The following KIFC3 variants were observed in gnomAD, a reference collection of about 807,000 sequenced individuals.
The protein encoded by KIFC3 is kinesin family member C3, also known as kinesin-like protein KIFC3.
In KIFC3, 60 loss-of-function variants were observed where a neutral mutation model predicts 101.8. The observed-to-expected ratio is 0.59, with a 90% confidence interval of 0.48 to 0.73. The LOEUF (loss-of-function observed/expected upper bound fraction) is 0.73. KIFC3 is among the 30% of genes least tolerant of loss of function. KIFC3 has a pLI of 0.00. For synonymous variants in KIFC3, 476 were observed against 482.7 expected (o/e 0.99, Z 0.18); for missense variants, 966 against 1,137.1 (o/e 0.85, Z 2.16).
intron 1 of KIFC3, among the ~76,000 whole-genome samples, chr16:57,832,195 A>C (rs2055594782): frequency 6.6e-6 from 1 of 150,574 alleles, no homozygotes; most frequent in South Asian, 2.1e-4. Flanking sequence ...TAATTTTTGT[A>C]TTTTTGGTAG....
rs1597967426 is a variant in KIFC3 at position 57,771,586 on chromosome 16, CGCAGCTCTT to C, written c.473_481del (p.Gln158_Leu160del). ...TGGGCAGGGACCTGCTGGCTTTGTGCGCAGCTCTTGCAGCTCGGCCTCACAGCGCCGCAT... is the reference window on the plus strand; with the variant it reads ...TGGGCAGGGACCTGCTGGCTTTGTGCGCAGCTCGGCCTCACAGCGCCGCAT... On this transcript the variant is annotated inframe_deletion, in exon 5 of 20. Coordinates refer to ENST00000445690, the MANE Select transcript of KIFC3 (RefSeq NM_001130100.2). 2 of 1,613,486 alleles carry C rather than the reference CGCAGCTCTT, an allele frequency of 1.2e-6. No homozygotes were observed. The highest frequency in any genetic ancestry group is 1.1e-5 in the South Asian group (1 of 91,086).
At chr16:57,825,889 C>G (rs1031876537) in intron 1 of KIFC3, among the ~76,000 whole-genome samples, 2 of 152,216 alleles carry the variant, frequency 1.3e-5, no homozygotes, top group South Asian at 2.1e-4. Context: ...CCATGTTGCT[C>G]AGGCTGGTCT....
At chr16:57,781,130 C>T (rs1368420836) in intron 3 of KIFC3, among the ~76,000 whole-genome samples, 1 of 152,048 alleles carries the variant, frequency 6.6e-6, no homozygotes, top group Non-Finnish European at 1.5e-5. Context: ...CGTGCCTGGG[C>T]AATATAGCAA....
upstream of KIFC3, chr16:57,802,560 C>A: frequency 3.0e-6 from 3 of 991,366 alleles, no homozygotes; most frequent in South Asian, 1.4e-4. This position sits in a 1 kb window ranked among gnomAD's most constrained non-coding sequence, Gnocchi z 5.0. Flanking sequence ...CGGCTCCGAC[C>A]CCGGCGGGGG....
At chr16:57,827,916 C>T (rs375224470) in intron 1 of KIFC3, among the ~76,000 whole-genome samples, 2 of 152,238 alleles carry the variant, frequency 1.3e-5, no homozygotes, top group South Asian at 2.1e-4. Flanking sequence ...ATTGAAGCCT[C>T]TGAGGTATGT....
At chr16:57,775,916 C>G in intron 3 of KIFC3, 1 of 985,610 alleles carries the variant, frequency 1.0e-6, no homozygotes, top group Non-Finnish European at 1.2e-6. Context: ...GAATCACGGG[C>G]CTGCTGCAGG....
intron 1 of KIFC3, among the ~76,000 whole-genome samples, chr16:57,813,140 C>T (rs1003968418): frequency 4.6e-5 from 7 of 152,094 alleles, no homozygotes; most frequent in Non-Finnish European, 7.3e-5. Context: ...CCAGCCTGCT[C>T]AACATGGCGA....
In KIFC3 at chr16:57,771,205, G is replaced by A; in HGVS notation, c.758C>T (p.Pro253Leu). Reference sequence around the variant, plus strand: ...AGGTGGGCCAGGGCTCACCTTGACAGGTGGGGACTGGGCCCGCAGGCTGGC... The same window carrying A: ...AGGTGGGCCAGGGCTCACCTTGACAAGTGGGGACTGGGCCCGCAGGCTGGC... ...TIASLRAQSP[P>L]VKYVIKTVEV... The change falls in exon 6 of 20, where the codon CCT (proline) becomes CTT (leucine). Residue 253 changes from proline to leucine, a missense_variant. Around this residue, in one of 2 missense-constraint regions of KIFC3, gnomAD observed 689 missense variants for 884.6 expected, o/e 0.78. Transcript: ENST00000445690. 1 of 1,612,494 alleles carries A rather than the reference G, an allele frequency of 6.2e-7. No homozygotes were observed. The highest frequency in any genetic ancestry group is 8.5e-7 in the Non-Finnish European group (1 of 1,179,988).
chr16:57,819,305 A>G (rs1446355050), intron 1 of KIFC3, among the ~76,000 whole-genome samples: 2 of 152,196 alleles, frequency 1.3e-5, no homozygotes, highest in Non-Finnish European at 2.9e-5. Flanking sequence ...CCCTGTCTCT[A>G]CAAAAAATTA....
chr16:57,837,234 G>C (rs1003486648), intron 1 of KIFC3, among the ~76,000 whole-genome samples: 2 of 152,092 alleles, frequency 1.3e-5, no homozygotes, highest in Non-Finnish European at 2.9e-5. Context: ...TTGGGAGGCC[G>C]AGACGGGTGG....
intron 3 of KIFC3, among the ~76,000 whole-genome samples, chr16:57,789,489 G>A (rs2053657899): frequency 6.6e-6 from 1 of 152,228 alleles, no homozygotes; most frequent in African/African-American, 2.4e-5. Context: ...AATAAAACAG[G>A]CATAGAGACA....
intron 9 of KIFC3, among the ~76,000 whole-genome samples, chr16:57,768,975 T>C (rs1480693937): frequency 6.6e-6 from 1 of 152,154 alleles, no homozygotes; most frequent in Non-Finnish European, 1.5e-5. Context: ...AAGACCAGCC[T>C]CGGCAACATA....
intron 2 of KIFC3, chr16:57,797,859 G>C (rs1598152935): frequency 6.9e-7 from 1 of 1,452,840 alleles, no homozygotes; most frequent in Middle Eastern, 2.6e-4. Flanking sequence ...CCGGCTTCCA[G>C]GTCTCCTCTT....
At chr16:57,847,214 G>A (rs1311081639) in intron 1 of KIFC3, among the ~76,000 whole-genome samples, 2 of 68,344 alleles carry the variant, frequency 2.9e-5, no homozygotes, top group African/African-American at 1.7e-4. Flanking sequence ...AAGGAAGGAA[G>A]GAAGGAAGGA....
chr16:57,775,206 G>C, intron 3 of KIFC3: 1 of 1,334,158 alleles, frequency 7.5e-7, no homozygotes, highest in South Asian at 2.0e-5. Context: ...ACCGCAACCA[G>C]GGCAGGCTGG....
At chr16:57,767,723 T>C (rs1217674297) in intron 9 of KIFC3, among the ~76,000 whole-genome samples, 1 of 152,144 alleles carries the variant, frequency 6.6e-6, no homozygotes, top group South Asian at 2.1e-4. Flanking sequence ...TGGAAACTCA[T>C]TGTGAGTGGT....
chr16:57,838,402 A>G (rs2055739716), intron 1 of KIFC3, among the ~76,000 whole-genome samples: 1 of 152,138 alleles, frequency 6.6e-6, no homozygotes, highest in African/African-American at 2.4e-5. Context: ...GGAATACTAA[A>G]CATATCCCGG....
chr16:57,788,814 G>A, intron 3 of KIFC3: 2 of 1,129,850 alleles, frequency 1.8e-6, no homozygotes, highest in Non-Finnish European at 2.3e-6. Flanking sequence ...AAGGATCCCA[G>A]GGCCCAGCGG....
chr16:57,821,197 C>A (rs1379470540), intron 1 of KIFC3, among the ~76,000 whole-genome samples: 2 of 150,688 alleles, frequency 1.3e-5, no homozygotes, highest in African/African-American at 2.4e-5. Context: ...AAAGACTGGG[C>A]TGACCATTGG....
Sources: gnomAD v4.1 joint callset for allele counts (sites outside exome capture counted in the v4.1 genomes callset) on GRCh38, gnomAD v4.1.1 for gene constraint, gnomAD v4.1.1 regional missense constraint, Gnocchi (gnomAD v3.1) non-coding constraint, MANE v1.5 for transcripts, NCBI Gene and HGNC (gene_info 2026-07-23, HGNC 2026-07-21) for gene names.